DYNC1I1: variants seen among roughly 807,000 people sequenced by gnomAD.
DYNC1I1 encodes cytoplasmic dynein 1 intermediate chain 1.
A neutral mutation model predicts 86.6 loss-of-function variants in DYNC1I1; 43 were observed. The observed-to-expected ratio is 0.50, with a 90% confidence interval of 0.39 to 0.64. The LOEUF (loss-of-function observed/expected upper bound fraction) is 0.64. DYNC1I1 is among the 30% of genes least tolerant of loss of function. The pLI is 0.00. For synonymous variants in DYNC1I1, 262 were observed against 283.7 expected (o/e 0.92, Z 0.77); for missense variants, 604 against 788.8 (o/e 0.77, Z 2.81).
At chr7:96,110,027 A>G (rs759455460) in exon 17 of DYNC1I1, 19 of 422,124 alleles carry the variant, frequency 4.5e-5, no homozygotes, top group African/African-American at 3.6e-4. Context: ...GACTCAAGCA[A>G]TCCTCCTATG....
At position 95,987,074 on chromosome 7, in the gene DYNC1I1, C is replaced by T; in HGVS notation, c.762C>T (p.Ala254=). ...CTCCTAGGGATGTTCAGGCTGGAGC[C>T]AATCTTTCTTTCAATCGTCAGTTCT... ...EEKDGDVQAG[A]NLSFNRQFYD... Residue 254 remains alanine (A), a synonymous_variant, in exon 9 of 17, where the codon GCC becomes GCT. Coordinates refer to ENST00000447467, the MANE Select transcript of DYNC1I1 (RefSeq NM_001135556.2). The T allele has an allele frequency of 6.2e-7, 1 of 1,613,854 alleles. No individual in the cohort carries two copies. The highest frequency in any genetic ancestry group is 8.5e-7 in the Non-Finnish European group (1 of 1,179,876).
intron 7 of DYNC1I1, among the ~76,000 whole-genome samples, chr7:95,980,536 CTTTTTTTTT>C (rs56835338): frequency 5.5e-5 from 3 of 54,438 alleles, no homozygotes; most frequent in Admixed American, 4.1e-4. Context: ...AGAAATCTGG[CTTTTTTTTT>C]TTTTTTTTTT....
chr7:95,832,129 C>G (rs1788925378), intron 5 of DYNC1I1, among the ~76,000 whole-genome samples: 2 of 108,232 alleles, frequency 1.8e-5, no homozygotes, highest in Non-Finnish European at 3.6e-5. Flanking sequence ...TCCCCCCACC[C>G]CACAACAGTC....
chr7:95,785,679 T>G (rs1794112302), intron 1 of DYNC1I1, among the ~76,000 whole-genome samples: 1 of 150,424 alleles, frequency 6.6e-6, no homozygotes, highest in Non-Finnish European at 1.5e-5. Context: ...TAACAAAATC[T>G]ATGCCTTCAT....
In DYNC1I1 at chr7:95,945,082, A is replaced by T. The variant is rs1792361174; in HGVS notation, c.491-32430A>T. On this transcript the variant is annotated intron_variant, in intron 6 of 16. Coordinates refer to ENST00000447467, the MANE Select transcript of DYNC1I1 (RefSeq NM_001135556.2). ...AAAAAAATAATAAAAAAATTAAAAT[A>T]AAATAAAAAACCATTTTTTAATACA... Among the ~76,000 whole-genome samples, 6 of 151,866 alleles carry T rather than the reference A, an allele frequency of 4.0e-5. No homozygotes were observed. In the South Asian group the frequency reaches 1.2e-3, roughly 31 times the overall value.
intron 6 of DYNC1I1, among the ~76,000 whole-genome samples, chr7:95,931,227 C>T (rs1791886854): frequency 6.6e-6 from 1 of 151,816 alleles, no homozygotes; most frequent in Non-Finnish European, 1.5e-5. Flanking sequence ...CTCACTGCAA[C>T]TTCCATTCCA....
intron 10 of DYNC1I1, among the ~76,000 whole-genome samples, chr7:96,002,569 G>A (rs1794037758): frequency 6.6e-6 from 1 of 152,186 alleles, no homozygotes. Context: ...TAAGTACCCA[G>A]TGAGTGTCAG....
intron 5 of DYNC1I1, among the ~76,000 whole-genome samples, chr7:95,829,710 G>C (rs1316121376): frequency 1.3e-5 from 2 of 152,090 alleles, no homozygotes; most frequent in African/African-American, 2.4e-5. Flanking sequence ...ATTAAAATTT[G>C]TGACTTATTC....
chr7:95,855,773 G>T (rs1297544622), intron 5 of DYNC1I1, among the ~76,000 whole-genome samples: 3 of 152,102 alleles, frequency 2.0e-5, no homozygotes, highest in Non-Finnish European at 4.4e-5. Context: ...CATGGAAAAG[G>T]TACAGTAAAA....
chr7:95,880,030 A>G (rs941652308), intron 6 of DYNC1I1, among the ~76,000 whole-genome samples: 7 of 152,220 alleles, frequency 4.6e-5, no homozygotes, highest in Non-Finnish European at 4.4e-5. Flanking sequence ...TAGTAAGTCC[A>G]GTTTTACTTT....
chr7:95,921,763 C>T (rs1791616622), intron 6 of DYNC1I1, among the ~76,000 whole-genome samples: 1 of 152,328 alleles, frequency 6.6e-6, no homozygotes, highest in South Asian at 2.1e-4. Context: ...TTTAAAATGA[C>T]TGCTGTGCAA....
chr7:96,021,138 C>T (rs773600473), intron 10 of DYNC1I1, among the ~76,000 whole-genome samples: 12 of 151,964 alleles, frequency 7.9e-5, no homozygotes, highest in African/African-American at 1.2e-4. Flanking sequence ...GTCACTGAAC[C>T]GTACACTTGA....
intron 1 of DYNC1I1, among the ~76,000 whole-genome samples, chr7:95,783,560 A>C: frequency 6.6e-6 from 1 of 152,360 alleles, no homozygotes; most frequent in South Asian, 2.1e-4. Flanking sequence ...TGCCTCAGAG[A>C]TATAACAAAG....
rs188527921 is a variant in DYNC1I1, at chr7:96,097,611, C to G, written c.*18C>G. The G allele has an allele frequency of 1.2e-6, 2 of 1,613,218 alleles. No homozygotes were observed. The highest frequency in any genetic ancestry group is 1.7e-6 in the Non-Finnish European group (2 of 1,179,510). ...CTGCCTAGTGGAAATGAGCCACCCC[C>G]ACTGCAGCCCCCACCTTTGTGTCCT... On this transcript the variant is annotated 3_prime_UTR_variant, in exon 17 of 17. Coordinates refer to ENST00000447467, the MANE Select transcript of DYNC1I1 (RefSeq NM_001135556.2).
chr7:95,849,522 G>A (rs1445276858), intron 5 of DYNC1I1, among the ~76,000 whole-genome samples: 1 of 152,072 alleles, frequency 6.6e-6, no homozygotes, highest in East Asian at 1.9e-4. Flanking sequence ...AAAATTGGTT[G>A]GCTGTAAATG....
chr7:96,081,909 C>CT (rs1790531379), intron 16 of DYNC1I1, among the ~76,000 whole-genome samples: 1 of 41,706 alleles, frequency 2.4e-5, no homozygotes, highest in African/African-American at 1.3e-4. Flanking sequence ...ATGCATAATT[C>CT]TAAGTAAAAA....
intron 14 of DYNC1I1, among the ~76,000 whole-genome samples, chr7:96,073,995 CA>C (rs1185824671): frequency 6.6e-6 from 1 of 152,040 alleles, no homozygotes; most frequent in Non-Finnish European, 1.5e-5. Flanking sequence ...CAGAAATAGC[CA>C]ATAAGCAAAT....
chr7:96,109,963 CT>C, intron 16 of DYNC1I1: 1 of 286,170 alleles, frequency 3.5e-6, no homozygotes, highest in South Asian at 2.9e-5. Context: ...CCTTTTTTTT[CT>C]TTTTGTGGAC....
intron 1 of DYNC1I1, among the ~76,000 whole-genome samples, chr7:95,786,543 C>T (rs1454829646): frequency 6.6e-6 from 1 of 152,198 alleles, no homozygotes; most frequent in Non-Finnish European, 1.5e-5. Context: ...CAGAACAGCA[C>T]TGTGTGCTTT....
Sources: allele counts gnomAD v4.1 joint callset (sites outside exome capture counted in the v4.1 genomes callset), GRCh38; gene constraint gnomAD v4.1.1; transcripts MANE v1.5; gene names NCBI Gene and HGNC (gene_info 2026-07-23, HGNC 2026-07-21).